Variants in WDR36 observed in about 807,000 individuals in gnomAD.
The protein encoded by WDR36 is WD repeat-containing protein 36.
In WDR36, 63 loss-of-function variants were observed where a neutral mutation model predicts 112.7. That is an observed-to-expected ratio of 0.56 (90% CI 0.46 to 0.69). The LOEUF is 0.69. WDR36 is among the 30% of genes least tolerant of loss of function. The pLI is 0.00. For synonymous variants in WDR36, 410 were observed against 362.2 expected (o/e 1.13, Z -1.50); for missense variants, 1,226 against 1,070.3 (o/e 1.15, Z -2.03).
chr5:111,092,432 G>T lies in WDR36; in HGVS notation c.-25G>T. On this transcript the variant is annotated 5_prime_UTR_variant, in exon 1 of 23. Transcript: ENST00000513710. ...CGTGTTTTCCTTCAGGACCAGAGCT[G>T]AGAGGAGCTGGGATCGCGGCGGCAA... The T allele has an allele frequency of 6.2e-7, 1 of 1,614,246 alleles. No individual in the cohort carries two copies. Among genetic ancestry groups the T allele is most frequent in the Non-Finnish European group, 8.5e-7 (1 of 1,180,042 alleles).
chr5:111,098,640 A>G, intron 3 of WDR36, 82 bp from the exon 4 acceptor site: 1 of 931,908 alleles, frequency 1.1e-6, no homozygotes, highest in Non-Finnish European at 1.8e-6. Flanking sequence ...TCTCAGGATT[A>G]GCATGTTTTT....
At chr5:111,113,476 G>A (rs1441366683) in intron 16 of WDR36, among the ~76,000 whole-genome samples, 2 of 151,992 alleles carry the variant, frequency 1.3e-5, no homozygotes, top group Non-Finnish European at 2.9e-5. Flanking sequence ...CAGACTTAAG[G>A]ATGGCAAACT....
Position 111,127,049 on chromosome 5 carries a change from C to A in WDR36, c.*166C>A. 1.5e-6 allele frequency: 1 copy of A among 680,358 alleles called. No homozygotes were observed. Among genetic ancestry groups the A allele is most frequent in the Non-Finnish European group, 2.3e-6 (1 of 428,496 alleles). The allele number at this position is 680,358 out of a possible 1,614,324, so 42.1% of individuals were successfully genotyped here. A position where few individuals can be genotyped will look rare whatever the true frequency, so the allele number is the denominator to read the frequency against. ...AATACTTTCTTGAAATAAAATCGCACCTCCCGGCCAGGCATGATGGATAAT... is the reference window on the plus strand; with the variant it reads ...AATACTTTCTTGAAATAAAATCGCAACTCCCGGCCAGGCATGATGGATAAT... On this transcript the variant is annotated 3_prime_UTR_variant, in exon 23 of 23. Transcript: ENST00000513710.
At chr5:111,110,756 A>ATTTTTTTTTT in intron 13 of WDR36, 32 bp from the exon 14 acceptor site, 1 of 1,518,066 alleles carries the variant, frequency 6.6e-7, no homozygotes, top group Non-Finnish European at 9.0e-7. Context: ...GCCAATTCTG[A>ATTTTTTTTTT]TTTTTTTTTT....
intron 3 of WDR36, 23 bp from the exon 4 acceptor site, chr5:111,098,699 T>G: frequency 7.2e-7 from 1 of 1,397,678 alleles, no homozygotes; most frequent in Non-Finnish European, 1.0e-6. Context: ...AATATGAAAT[T>G]CTTTTAAACT....
rs201107788 is a variant in WDR36, at chr5:111,113,060, T to A, written c.1717-14T>A. 0.029 allele frequency: 24,629 copies of A among 848,042 alleles called. 965 individuals carry two copies. Among genetic ancestry groups the A allele is most frequent in the East Asian group, 0.11 (2,411 of 22,354 alleles). The allele number at this position is 848,042 out of a possible 1,614,324, so 52.5% of individuals were successfully genotyped here. A position where few individuals can be genotyped will look rare whatever the true frequency, so the allele number is the denominator to read the frequency against. ...AATATATATATATATATATTTTTTT[T>A]TTTTAATTTAAAGGCTTTTAGTCCT... On this transcript the variant is annotated splice_polypyrimidine_tract_variant and intron_variant, in intron 15 of 22. Coordinates refer to ENST00000513710, the MANE Select transcript of WDR36 (RefSeq NM_139281.3).
At chr5:111,102,660 T>A (rs886223103) in intron 6 of WDR36, among the ~76,000 whole-genome samples, 1 of 151,716 alleles carries the variant, frequency 6.6e-6, no homozygotes. Flanking sequence ...TTGTTTCTAA[T>A]CATTTTGCAA....
At chr5:111,104,000 G>T in intron 7 of WDR36, 82 bp downstream of exon 7, 3 of 1,547,610 alleles carry the variant, frequency 1.9e-6, no homozygotes, top group Non-Finnish European at 2.6e-6. Context: ...TTGTCTTCTG[G>T]TAGCTTAATC....
chr5:111,120,639 A>C, intron 18 of WDR36, 46 bp downstream of exon 18: 1 of 1,492,960 alleles, frequency 6.7e-7, no homozygotes, highest in South Asian at 1.1e-5. Flanking sequence ...AATATTATAA[A>C]CCTAATGTAG....
intron 16 of WDR36, among the ~76,000 whole-genome samples, chr5:111,115,655 A>G (rs1454910628): frequency 1.3e-5 from 2 of 152,218 alleles, no homozygotes; most frequent in Non-Finnish European, 2.9e-5. Context: ...AATTTGAATA[A>G]TGAAAACAAA....
chr5:111,125,826 C>G, intron 22 of WDR36, 31 bp downstream of exon 22: 1 of 1,610,614 alleles, frequency 6.2e-7, no homozygotes, highest in Non-Finnish European at 8.5e-7. Flanking sequence ...TACTGCCCAG[C>G]TTGTCTTCTT....
At chr5:111,099,615 A>G (rs1318768714) in intron 4 of WDR36, among the ~76,000 whole-genome samples, 1 of 151,890 alleles carries the variant, frequency 6.6e-6, no homozygotes, top group East Asian at 1.9e-4. Flanking sequence ...TTCCCTGTGC[A>G]GATAGAAGTT....
chr5:111,104,747 A>C lies in WDR36; in HGVS notation c.957A>C (p.Arg319Ser). 1 of 1,611,424 alleles carries C rather than the reference A, an allele frequency of 6.2e-7. No individual in the cohort carries two copies. Among genetic ancestry groups the C allele is most frequent in the Non-Finnish European group, 8.5e-7 (1 of 1,178,036 alleles). ...GTGAAGGCCGACTTTTGAGATTCAG[A>C]ATGGGTCATAGTGCTCCTCTTACCA... ...PTGEGRLLRF[R>S]MGHSAPLTNI... is the part of the protein sequence containing the mutation. The change falls in exon 9 of 23, where the codon AGA becomes AGC. Residue 319 changes from arginine to serine, a missense_variant. Arg to Ser is a moderately radical substitution (Grantham distance 110). Transcript: ENST00000513710.
chr5:111,113,040 A>G, intron 15 of WDR36, 34 bp from the exon 16 acceptor site: 1 of 368,878 alleles, frequency 2.7e-6, no homozygotes, highest in Non-Finnish European at 3.9e-6. Context: ...TAAATAATAT[A>G]TATATATATA....
In WDR36 at chr5:111,107,289, T is replaced by A. The variant is rs1313796137; in HGVS notation, c.1181-5T>A. 1.2e-6 allele frequency: 2 copies of A among 1,608,958 alleles called. No homozygotes were observed. Among genetic ancestry groups the A allele is most frequent in the Non-Finnish European group, 1.7e-6 (2 of 1,176,844 alleles). ...ATTTGATTTATGATTTTCATTACGT[T>A]TTAGAGGAAGCTCGTGAAAGTGACT... On this transcript the variant is annotated splice_polypyrimidine_tract_variant and splice_region_variant and intron_variant, in intron 11 of 22. Coordinates refer to ENST00000513710, the MANE Select transcript of WDR36 (RefSeq NM_139281.3).
chr5:111,104,871 T>C, intron 9 of WDR36, 54 bp downstream of exon 9: 1 of 1,607,346 alleles, frequency 6.2e-7, no homozygotes, highest in Admixed American at 1.7e-5. Context: ...GAGATGTGGG[T>C]GCCCAGTATG....
chr5:111,099,711 G>A (rs1412800464), intron 4 of WDR36, among the ~76,000 whole-genome samples: 1 of 151,878 alleles, frequency 6.6e-6, no homozygotes, highest in Non-Finnish European at 1.5e-5. Flanking sequence ...GCCATTTGTA[G>A]TGACTGACGA....
At position 111,129,678 on chromosome 5, in the gene WDR36, T is replaced by C. The variant is rs181674082; in HGVS notation, c.*2795T>C. On this transcript the variant is annotated 3_prime_UTR_variant, in exon 23 of 23. Coordinates refer to ENST00000513710, the MANE Select transcript of WDR36 (RefSeq NM_139281.3). The stretch of plus-strand genomic sequence containing the variant: ...GGCTTTAATTTTACATGGTGTCTGT[T>C]TAAATAAATGTTTTATATTTGTATA... The C allele has an allele frequency of 4.9e-5, 10 of 202,756 alleles. No homozygotes were observed. The highest frequency in any genetic ancestry group is 3.0e-4 in the Admixed American group (5 of 16,720). 12.6% of individuals were successfully genotyped at this position (202,756 alleles called of 1,614,324 possible). A position where few individuals can be genotyped will look rare whatever the true frequency, so the allele number is the denominator to read the frequency against.
At chr5:111,124,059 T>G in intron 20 of WDR36, 49 bp from the exon 21 acceptor site, 1 of 1,602,990 alleles carries the variant, frequency 6.2e-7, no homozygotes, top group South Asian at 1.1e-5. Flanking sequence ...TATACATTTT[T>G]GGGTGATACT....
Sources: allele counts gnomAD v4.1 joint callset (sites outside exome capture counted in the v4.1 genomes callset), GRCh38; gene constraint gnomAD v4.1.1; transcripts MANE v1.5; gene names NCBI Gene and HGNC (gene_info 2026-07-23, HGNC 2026-07-21).